FAT4: variants seen among roughly 807,000 people sequenced by gnomAD.
FAT4 encodes the protein FAT atypical cadherin 4.
FAT4 carries 84 observed loss-of-function variants against 303.9 expected under a neutral mutation model. That is an observed-to-expected ratio of 0.28 (90% CI 0.23 to 0.33). The LOEUF is 0.33. Among genes scored for constraint, FAT4 ranks in the 10% least tolerant of loss-of-function variants. The pLI is 1.00. For missense variants in FAT4, 6,005 were observed against 6,146.8 expected, an observed-to-expected ratio of 0.98 and a Z score of 0.77; for synonymous variants, 2,307 against 2,298.8, an observed-to-expected ratio of 1.00 and a Z score of -0.10.
chr4:125,451,039 T>A lies in FAT4; in HGVS notation c.10029T>A (p.Ser3343Arg). The change falls in exon 10 of 18, where the codon AGT (serine) becomes AGA (arginine). Residue 3343 changes from serine (S) to arginine (R), a missense_variant. Physicochemically the swap from Ser to Arg is moderately radical, Grantham distance 110 (BLOSUM62 -1). Transcript: ENST00000394329. ...TACACTATTTGATTTTTGGTAATAG[T>A]CGAAAGAAGGGTTTCCAGATCAATA... ...GEVHYLIFGN[S>R]RKKGFQINKK... The A allele has an allele frequency of 6.2e-7, 1 of 1,614,018 alleles. No homozygotes were observed. Among genetic ancestry groups the A allele is most frequent in the South Asian group, 1.1e-5 (1 of 91,068 alleles).
At position 125,434,401 on chromosome 4, in the gene FAT4, A is replaced by G; in HGVS notation, c.7175A>G (p.Asp2392Gly). The change falls in exon 8 of 18, where the codon GAT (aspartate) becomes GGT (glycine). Residue 2392 changes from aspartate to glycine, a missense_variant. Asp to Gly is a moderately conservative substitution (Grantham distance 94). Coordinates refer to ENST00000394329, the MANE Select transcript of FAT4 (RefSeq NM_001291303.3). ...TTATTGGTAAATGCCTCAGATGCTGATGCTTCAAAGAATGCAGTTATAAGG... is the reference window on the plus strand; with the variant it reads ...TTATTGGTAAATGCCTCAGATGCTGGTGCTTCAAAGAATGCAGTTATAAGG... The part of the protein sequence containing the change: ...DVLLVNASDA[D>G]ASKNAVISYR... 6.2e-7 allele frequency: 1 copy of G among 1,614,038 alleles called. No individual in the cohort carries two copies. Among genetic ancestry groups the G allele is most frequent in the Non-Finnish European group, 8.5e-7 (1 of 1,179,962 alleles).
In FAT4 at chr4:125,491,456, A is replaced by G. The variant is rs1727638221; in HGVS notation, c.14640A>G (p.Ala4880=). 1.2e-6 allele frequency: 2 copies of G among 1,614,206 alleles called. No homozygotes were observed. Among genetic ancestry groups the G allele is most frequent in the Admixed American group, 1.7e-5 (1 of 60,032 alleles). The change falls in exon 18 of 18, where the codon GCA becomes GCG. Residue 4880 remains alanine, a synonymous_variant. Transcript: ENST00000394329. ...PKLSQVNESD[A]DDEDNYGARL... The stretch of plus-strand genomic sequence containing the variant: ...TATCTCAAGTCAATGAATCTGATGC[A>G]GATGATGAAGATAATTATGGAGCCA...
chr4:125,414,954 T>G lies in FAT4; in HGVS notation c.5991T>G (p.Asn1997Lys), dbSNP rs578105928. ...TTGGGCAGTTTACTGTTGACAAGAA[T>G]GGTGTACTCAAAGTCCTAAAAGCTT... ...DSLGQFTVDK[N>K]GVLKVLKALD... Residue 1997 changes from asparagine (N) to lysine (K), a missense_variant, in exon 6 of 18, where the codon AAT (asparagine) becomes AAG (lysine). Asn to Lys is a moderately conservative substitution (Grantham distance 94). Transcript: ENST00000394329. 1.2e-5 allele frequency: 20 copies of G among 1,613,870 alleles called. No homozygotes were observed. The South Asian group carries it at 2.2e-4, about 18-fold the overall frequency.
intron 2 of FAT4, among the ~76,000 whole-genome samples, chr4:125,326,337 G>A (rs936801858): frequency 2.6e-5 from 4 of 151,772 alleles, no homozygotes; most frequent in African/African-American, 9.7e-5. Context: ...TATATCTTGT[G>A]TATTGAACCT....
rs151310293 is a variant in FAT4 at position 125,429,788 on chromosome 4, G to T, written c.7019-4457G>T. On this transcript the variant is annotated intron_variant, in intron 7 of 17. Coordinates refer to ENST00000394329, the MANE Select transcript of FAT4 (RefSeq NM_001291303.3). ...TGATTTCAGTTTTTGACACACTAAT[G>T]TTGAGACTCTTCAGTAACTTGCAAG... Among the ~76,000 whole-genome samples, 238 of 152,284 alleles carry T rather than the reference G, an allele frequency of 1.6e-3. 2 individuals carry two copies. The highest frequency in any genetic ancestry group is 5.2e-3 in the African/African-American group (216 of 41,572).
intron 8 of FAT4, among the ~76,000 whole-genome samples, chr4:125,445,075 C>T (rs930848465): frequency 6.6e-6 from 1 of 152,064 alleles, no homozygotes; most frequent in African/African-American, 2.4e-5. Flanking sequence ...TCACACATGC[C>T]TGATTCTGTC....
In FAT4 at chr4:125,316,047, C is replaced by A. The variant is rs574901215; in HGVS notation, c.-13+70C>A. ...CATATACCTTAGATACAGGCAACTTCTCCCAACTCTCATCCACCCGGGTGA... is the reference window on the plus strand; with the variant it reads ...CATATACCTTAGATACAGGCAACTTATCCCAACTCTCATCCACCCGGGTGA... On this transcript the variant is annotated intron_variant, in intron 1 of 17. Transcript: ENST00000394329. The surrounding 1 kb of genome is among the most constrained non-coding windows in gnomAD (Gnocchi z 5.7). Among the ~76,000 whole-genome samples, 5 of 152,288 alleles carry A rather than the reference C, an allele frequency of 3.3e-5. No homozygotes were observed. The East Asian group carries it at 9.7e-4, about 29-fold the overall frequency.
intron 2 of FAT4, among the ~76,000 whole-genome samples, chr4:125,390,652 G>C (rs1733944172): frequency 6.6e-6 from 1 of 152,150 alleles, no homozygotes; most frequent in Admixed American, 6.5e-5. Flanking sequence ...ATGTTATTGA[G>C]TTGACATCAT....
At position 125,481,596 on chromosome 4, in the gene FAT4, G is replaced by A. The variant is rs759859751; in HGVS notation, c.12680G>A (p.Arg4227Gln). Residue 4227 changes from arginine to glutamine, a missense_variant, in exon 16 of 18, where the codon CGG (arginine) becomes CAG (glutamine). Physicochemically the swap from Arg to Gln is conservative, Grantham distance 43 (BLOSUM62 1). Coordinates refer to ENST00000394329, the MANE Select transcript of FAT4 (RefSeq NM_001291303.3). ...TACCACATGAGTCAGAATGAGAAGC[G>A]GGAATATTTGTTAAGGCAAAGCTTA... is the stretch of plus-strand genomic sequence containing the variant. ...LDYHMSQNEKREYLLRQSLRG... is the reference protein window; with the variant it reads ...LDYHMSQNEKQEYLLRQSLRG... 28 of 1,613,884 alleles carry A rather than the reference G, an allele frequency of 1.7e-5. No homozygotes were observed. In the East Asian group the frequency reaches 3.6e-4, roughly 21 times the overall value.
At chr4:125,406,328 G>A (rs547904097) in intron 3 of FAT4, among the ~76,000 whole-genome samples, 1 of 152,124 alleles carries the variant, frequency 6.6e-6, no homozygotes, top group Admixed American at 6.5e-5. Flanking sequence ...TTATTTATAG[G>A]CGTTCTAGTC....
chr4:125,450,094 T>C lies in FAT4; in HGVS notation c.9084T>C (p.Asp3028=), dbSNP rs2126058982. ...AAGTGGAGTATTTCATTTCTAATGATAACCATTTAGGAAAATTTAAGTTGG... is the reference window on the plus strand; with the variant it reads ...AAGTGGAGTATTTCATTTCTAATGACAACCATTTAGGAAAATTTAAGTTGG... ...NSEVEYFISN[D]NHLGKFKLDN... Residue 3028 remains aspartate, a synonymous_variant, in exon 10 of 18, where the codon GAT becomes GAC. Coordinates refer to ENST00000394329, the MANE Select transcript of FAT4 (RefSeq NM_001291303.3). 1.2e-6 allele frequency: 2 copies of C among 1,613,852 alleles called. No homozygotes were observed. Among genetic ancestry groups the C allele is most frequent in the Non-Finnish European group, 1.7e-6 (2 of 1,179,912 alleles).
Position 125,316,434 on chromosome 4 carries a change from C to T in FAT4, c.23C>T (p.Ala8Val). MDLAPDR[A>V]TGRPWLPLHT... is the part of the protein sequence containing the mutation. ...ACCATGGACTTAGCACCAGACAGGG[C>T]TACTGGCCGCCCGTGGCTCCCGTTG... The change falls in exon 2 of 18, where the codon GCT (alanine) becomes GTT (valine). Residue 8 changes from alanine (A) to valine (V), a missense_variant. Ala to Val is a moderately conservative substitution (Grantham distance 64, BLOSUM62 0). Coordinates refer to ENST00000394329, the MANE Select transcript of FAT4 (RefSeq NM_001291303.3). This position sits in a 1 kb window ranked among gnomAD's most constrained non-coding sequence, Gnocchi z 5.7. 6.2e-7 allele frequency: 1 copy of T among 1,612,456 alleles called. No individual in the cohort carries two copies. Among genetic ancestry groups the T allele is most frequent in the Non-Finnish European group, 8.5e-7 (1 of 1,179,064 alleles).
At position 125,406,898 on chromosome 4, in the gene FAT4, A is replaced by G. The variant is rs751985392; in HGVS notation, c.5326A>G (p.Thr1776Ala). 1 of 1,613,830 alleles carries G rather than the reference A, an allele frequency of 6.2e-7. No individual in the cohort carries two copies. The highest frequency in any genetic ancestry group is 8.5e-7 in the Non-Finnish European group (1 of 1,179,812). The change falls in exon 4 of 18, where the codon ACA becomes GCA. Residue 1776 changes from threonine to alanine, a missense_variant. Thr to Ala is a moderately conservative substitution (Grantham distance 58, BLOSUM62 0). Coordinates refer to ENST00000394329, the MANE Select transcript of FAT4 (RefSeq NM_001291303.3). ...TTTTTAGGGTGCAAATGCTCTCGTC[A>G]CATACACTATCATTAGTGGAGCTGA... ...DADEGANALV[T>A]YTIISGADDS... is the part of the protein sequence containing the mutation.
intron 2 of FAT4, among the ~76,000 whole-genome samples, chr4:125,356,650 G>A (rs1480206385): frequency 6.7e-6 from 1 of 148,388 alleles, no homozygotes; most frequent in Admixed American, 6.8e-5. Context: ...TATTACAGGT[G>A]ACAAGACTAA....
chr4:125,353,283 A>G (rs1052402871), intron 2 of FAT4, among the ~76,000 whole-genome samples: 2 of 151,830 alleles, frequency 1.3e-5, no homozygotes, highest in Non-Finnish European at 2.9e-5. Context: ...AAGTTTCACC[A>G]AAACATTACT....
chr4:125,491,161 A>T lies in FAT4; in HGVS notation c.14345A>T (p.Glu4782Val). The T allele has an allele frequency of 6.2e-7, 1 of 1,614,098 alleles. No homozygotes were observed. The change falls in exon 18 of 18, where the codon GAA becomes GTA. Residue 4782 changes from glutamate to valine, a missense_variant. Coordinates refer to ENST00000394329, the MANE Select transcript of FAT4 (RefSeq NM_001291303.3). Reference protein sequence around the residue: ...LKQPIGQIPLESSPPVGLSIE... With the variant: ...LKQPIGQIPLVSSPPVGLSIE... ...CAGCCGATTGGGCAGATTCCACTGG[A>T]ATCTTCTCCTCCAGTCGGACTTTCT...
chr4:125,402,840 C>A (rs575818736), intron 3 of FAT4, among the ~76,000 whole-genome samples: 1 of 152,042 alleles, frequency 6.6e-6, no homozygotes, highest in African/African-American at 2.4e-5. Flanking sequence ...TTAATAAATA[C>A]ATTCTTTGAG....
In FAT4 at chr4:125,489,821, A is replaced by G. The variant is rs1302864113; in HGVS notation, c.13085-80A>G. The stretch of plus-strand genomic sequence containing the variant: ...AGGTGATTGTGGAGCTTCTCTTTAC[A>G]AGAACCCAGCAGTGTAGTATAAGCT... On this transcript the variant is annotated intron_variant, in intron 17 of 17. Coordinates refer to ENST00000394329, the MANE Select transcript of FAT4 (RefSeq NM_001291303.3). 1.8e-5 allele frequency: 22 copies of G among 1,217,394 alleles called. No individual in the cohort carries two copies. The South Asian group carries it at 2.8e-4, about 16-fold the overall frequency. The allele number at this position is 1,217,394 out of a possible 1,614,324, so 75.4% of individuals were successfully genotyped here.
At chr4:125,438,092 T>C (rs1177637177) in intron 8 of FAT4, among the ~76,000 whole-genome samples, 1 of 152,226 alleles carries the variant, frequency 6.6e-6, no homozygotes. Flanking sequence ...TATAATCTAA[T>C]AATTCTTTAT....
Sources: allele counts gnomAD v4.1 joint callset (sites outside exome capture counted in the v4.1 genomes callset), GRCh38; gene constraint gnomAD v4.1.1; non-coding constraint Gnocchi (gnomAD v3.1); transcripts MANE v1.5; gene names NCBI Gene and HGNC (gene_info 2026-07-23, HGNC 2026-07-21).